Variants in NCKAP5 observed in about 807,000 individuals in gnomAD.
NCKAP5 encodes the protein nck-associated protein 5.
NCKAP5 carries 92 observed loss-of-function variants against 167.0 expected under a neutral mutation model. That is an observed-to-expected ratio of 0.55 (90% CI 0.47 to 0.66). NCKAP5 has a LOEUF of 0.66. Ranked by LOEUF, NCKAP5 falls within the 30% of genes least tolerant of loss-of-function variation. The pLI is 0.00. For missense variants in NCKAP5, 2,378 were observed against 2,315.0 expected (o/e 1.03, Z -0.56); for synonymous variants, 891 against 877.4 (o/e 1.02, Z -0.27).
chr2:133,474,272 T>C (rs904140826), intron 3 of NCKAP5, among the ~76,000 whole-genome samples: 8 of 152,004 alleles, frequency 5.3e-5, no homozygotes, highest in African/African-American at 1.9e-4. Flanking sequence ...CTGGAGAACA[T>C]TATACTAAGT....
chr2:133,512,904 T>C (rs1683621183), intron 3 of NCKAP5, among the ~76,000 whole-genome samples: 1 of 152,060 alleles, frequency 6.6e-6, no homozygotes, highest in African/African-American at 2.4e-5. Flanking sequence ...TGGCCCCTCC[T>C]CACATCTTCC....
intron 3 of NCKAP5, among the ~76,000 whole-genome samples, chr2:133,303,842 T>C (rs1175596937): frequency 6.6e-6 from 1 of 152,198 alleles, no homozygotes; most frequent in African/African-American, 2.4e-5. Flanking sequence ...TACAATGGAT[T>C]TAATTTGTGA....
At chr2:133,502,610 A>G (rs1172839788) in intron 3 of NCKAP5, among the ~76,000 whole-genome samples, 1 of 152,132 alleles carries the variant, frequency 6.6e-6, no homozygotes, top group African/African-American at 2.4e-5. Context: ...ATATTCATAA[A>G]AGGTCAAAGC....
chr2:132,904,605 C>T (rs771729641), intron 8 of NCKAP5, among the ~76,000 whole-genome samples: 6 of 152,116 alleles, frequency 3.9e-5, no homozygotes, highest in Non-Finnish European at 7.4e-5. Context: ...TCTGGAAAGG[C>T]TATATCAAAT....
chr2:133,124,458 G>A (rs1247258965), intron 6 of NCKAP5, among the ~76,000 whole-genome samples: 3 of 152,120 alleles, frequency 2.0e-5, no homozygotes, highest in South Asian at 2.1e-4. Context: ...CTTCAAACAC[G>A]CTGCAGCACA....
chr2:133,136,591 T>A (rs17735890), intron 5 of NCKAP5, among the ~76,000 whole-genome samples: 5 of 152,100 alleles, frequency 3.3e-5, no homozygotes, highest in Non-Finnish European at 7.4e-5. Context: ...AAAGATTTCC[T>A]GAAATGTGTC....
chr2:132,920,739 ATATGTG>A (rs1695298256), intron 8 of NCKAP5, among the ~76,000 whole-genome samples: 1 of 105,680 alleles, frequency 9.5e-6, no homozygotes, highest in Admixed American at 1.3e-4. Context: ...ATATGTATAT[ATATGTG>A]TATATATATA....
At chr2:133,219,260 C>A (rs953844403) in intron 4 of NCKAP5, among the ~76,000 whole-genome samples, 1 of 152,212 alleles carries the variant, frequency 6.6e-6, no homozygotes, top group Non-Finnish European at 1.5e-5. Context: ...CGGCTGCTAG[C>A]CTTCCGTATC....
At chr2:133,227,146 T>C (rs2086929719) in intron 4 of NCKAP5, among the ~76,000 whole-genome samples, 1 of 152,220 alleles carries the variant, frequency 6.6e-6, no homozygotes, top group South Asian at 2.1e-4. Context: ...TCTAGAGTTA[T>C]AAAATCTTTA....
At chr2:132,850,090 T>C (rs1188531574) in intron 11 of NCKAP5, among the ~76,000 whole-genome samples, 1 of 152,192 alleles carries the variant, frequency 6.6e-6, no homozygotes, top group Non-Finnish European at 1.5e-5. Context: ...TAATAATATA[T>C]GATTCTATTA....
chr2:133,381,245 C>A (rs932179987), intron 3 of NCKAP5, among the ~76,000 whole-genome samples: 11 of 152,246 alleles, frequency 7.2e-5, no homozygotes, highest in Non-Finnish European at 1.3e-4. Context: ...AGTCATGGTG[C>A]TTTCTCATCC....
intron 15 of NCKAP5, among the ~76,000 whole-genome samples, chr2:132,780,303 C>G (rs1327895509): frequency 1.3e-5 from 2 of 152,194 alleles, no homozygotes; most frequent in African/African-American, 2.4e-5. Flanking sequence ...AGGCGCCCAC[C>G]ACCATGCCTG....
Position 133,206,874 on chromosome 2 carries a change from C to T in NCKAP5, c.207+6842G>A, listed in dbSNP as rs142270582. On this transcript the variant is annotated intron_variant, in intron 5 of 19. Coordinates refer to ENST00000409261, the MANE Select transcript of NCKAP5 (RefSeq NM_207363.3). ...CTGCTCTGGGAGTGTCTGTCTTATG[C>T]GGTTGAGATAAGGACTGAAATACGC... is the stretch of plus-strand genomic sequence containing the variant. 3.4e-3 allele frequency among the ~76,000 whole-genome samples: 513 copies of T among 152,132 alleles called. 2 individuals are homozygous for T. The highest frequency in any genetic ancestry group is 0.01 in the African/African-American group (434 of 41,508).
At chr2:133,391,640 A>G (rs1687414569) in intron 3 of NCKAP5, among the ~76,000 whole-genome samples, 1 of 152,156 alleles carries the variant, frequency 6.6e-6, no homozygotes, top group African/African-American at 2.4e-5. Context: ...CCCCGCACTC[A>G]TCCTCTAAAT....
intron 4 of NCKAP5, among the ~76,000 whole-genome samples, chr2:133,242,275 A>G (rs2087754445): frequency 6.7e-6 from 1 of 148,606 alleles, no homozygotes; most frequent in African/African-American, 2.5e-5. Context: ...TTTTTAACTG[A>G]GAGAACATAT....
At chr2:133,065,302 G>A (rs538405293) in intron 6 of NCKAP5, among the ~76,000 whole-genome samples, 24 of 152,236 alleles carry the variant, frequency 1.6e-4, no homozygotes, top group African/African-American at 4.6e-4. Flanking sequence ...AAACAGCTGC[G>A]CAACAGCCAT....
At chr2:133,303,165 T>A in intron 3 of NCKAP5, 55 bp from the exon 4 acceptor site, 1 of 1,234,408 alleles carries the variant, frequency 8.1e-7, no homozygotes, top group South Asian at 1.3e-5. Context: ...CCCACCATCC[T>A]AAGACCCTGA....
chr2:133,474,134 A>ATCTATCTATCTG (rs941933289), intron 3 of NCKAP5, among the ~76,000 whole-genome samples: 3 of 146,186 alleles, frequency 2.1e-5, no homozygotes, highest in African/African-American at 8.3e-5. Context: ...CTATCTATCT[A>ATCTATCTATCTG]TCTATCTATC....
At chr2:133,127,954 CTGG>C (rs1028982156) in intron 6 of NCKAP5, among the ~76,000 whole-genome samples, 5 of 152,206 alleles carry the variant, frequency 3.3e-5, no homozygotes, top group Non-Finnish European at 4.4e-5. Flanking sequence ...AGGAGTTGAA[CTGG>C]TGTTAAATTA....
Sources: gnomAD v4.1 joint callset for allele counts (sites outside exome capture counted in the v4.1 genomes callset) on GRCh38, gnomAD v4.1.1 for gene constraint, MANE v1.5 for transcripts, NCBI Gene and HGNC (gene_info 2026-07-23, HGNC 2026-07-21) for gene names.